The following MYO3B variants were observed in gnomAD, a reference collection of about 807,000 sequenced individuals.
MYO3B encodes myosin IIIB, also known as myosin-IIIb.
MYO3B carries 156 observed loss-of-function variants against 174.6 expected under a neutral mutation model. The observed-to-expected ratio is 0.89, with a 90% CI of 0.78 to 1.02. The LOEUF is 1.02. Ranked by LOEUF, MYO3B falls within the 50% of genes least tolerant of loss-of-function variation. The pLI, the probability that MYO3B is intolerant of heterozygous loss-of-function variation, is 0.00. For synonymous variants in MYO3B, 563 were observed against 569.1 expected, an observed-to-expected ratio of 0.99 and a Z score of 0.15; for missense variants, 1,632 against 1,639.4, an observed-to-expected ratio of 1.00 and a Z score of 0.08.
At chr2:170,453,729 A>C (rs1289304492) in intron 23 of MYO3B, among the ~76,000 whole-genome samples, 2 of 152,230 alleles carry the variant, frequency 1.3e-5, no homozygotes, top group East Asian at 3.8e-4. Flanking sequence ...AGTCTGCATG[A>C]GGAACTGAAT....
intron 9 of MYO3B, among the ~76,000 whole-genome samples, chr2:170,378,642 TC>T (rs1417665593): frequency 1.3e-5 from 2 of 152,342 alleles, no homozygotes; most frequent in East Asian, 3.9e-4. Context: ...ACAATCTCCT[TC>T]AGGCTCAGAA....
chr2:170,522,038 T>A (rs565126711), intron 30 of MYO3B, among the ~76,000 whole-genome samples: 1 of 152,234 alleles, frequency 6.6e-6, no homozygotes, highest in Admixed American at 6.5e-5. Flanking sequence ...TCAGAGGTAT[T>A]CTCAGTCTTT....
chr2:170,501,519 T>G lies in MYO3B; in HGVS notation c.3290-266T>G, dbSNP rs561237470. Among the ~76,000 whole-genome samples, 3 of 152,250 alleles carry G rather than the reference T, an allele frequency of 2.0e-5. No homozygotes were observed. In the East Asian group the frequency reaches 5.8e-4, roughly 29 times the overall value. On this transcript the variant is annotated intron_variant, in intron 27 of 34. Transcript: ENST00000408978. ...CATCTCACCTGGAGTAGGGGTCCCA[T>G]GTGATTCATCAGTGGAACCCAGAGT...
At chr2:170,214,007 T>C (rs1331962229) in intron 3 of MYO3B, among the ~76,000 whole-genome samples, 1 of 152,220 alleles carries the variant, frequency 6.6e-6, no homozygotes, top group Non-Finnish European at 1.5e-5. Flanking sequence ...ACAATATTCA[T>C]ATAAAGTGAA....
chr2:170,442,746 T>C (rs925017935), intron 22 of MYO3B, among the ~76,000 whole-genome samples: 2 of 152,178 alleles, frequency 1.3e-5, no homozygotes, highest in African/African-American at 4.8e-5. Flanking sequence ...AGTGAGAACA[T>C]GCAGTATTTG....
intron 7 of MYO3B, 123 bp from the exon 8 acceptor site, chr2:170,335,262 T>A: frequency 1.4e-6 from 1 of 735,864 alleles, no homozygotes; most frequent in Admixed American, 2.7e-5. Context: ...AAAAAATGAC[T>A]CTCATATGAG....
intron 5 of MYO3B, among the ~76,000 whole-genome samples, chr2:170,216,512 G>A (rs866750388): frequency 2.2e-4 from 34 of 152,286 alleles, no homozygotes; most frequent in Middle Eastern, 6.8e-3. Flanking sequence ...TAATCCTGTG[G>A]ACCTTTACGC....
In MYO3B at chr2:170,404,414, G is replaced by C; in HGVS notation, c.2431+14G>C. The C allele has an allele frequency of 6.2e-7, 1 of 1,601,676 alleles. No homozygotes were observed. The highest frequency in any genetic ancestry group is 8.5e-7 in the Non-Finnish European group (1 of 1,175,638). ...AGACCCTGGTTGGTAGGTAACTTCT[G>C]AGAAACAGGCATATACATTTAGAAC... On this transcript the variant is annotated intron_variant, in intron 20 of 34. Transcript: ENST00000408978.
chr2:170,451,043 C>A (rs916929250), intron 23 of MYO3B, among the ~76,000 whole-genome samples: 25 of 152,196 alleles, frequency 1.6e-4, no homozygotes, highest in African/African-American at 5.8e-4. Context: ...TTAAGACATT[C>A]TTTAAAACCC....
chr2:170,350,387 G>A (rs2094055948), intron 8 of MYO3B: 1 of 152,132 alleles, frequency 6.6e-6, no homozygotes, highest in Non-Finnish European at 1.5e-5. Flanking sequence ...AATCCTTCAT[G>A]GCAATCTCAG....
chr2:170,394,929 A>T (rs2094435373), intron 16 of MYO3B, among the ~76,000 whole-genome samples: 1 of 152,216 alleles, frequency 6.6e-6, no homozygotes, highest in African/African-American at 2.4e-5. Context: ...TCTGGCAGAC[A>T]TTTCTAGATA....
intron 22 of MYO3B, chr2:170,411,648 A>G (rs1371164610): frequency 6.6e-6 from 1 of 152,226 alleles, no homozygotes; most frequent in Non-Finnish European, 1.5e-5. Flanking sequence ...TATATGTGCA[A>G]TCATAATATA....
intron 32 of MYO3B, among the ~76,000 whole-genome samples, chr2:170,620,487 G>A (rs1321702593): frequency 1.3e-5 from 2 of 152,156 alleles, no homozygotes; most frequent in African/African-American, 2.4e-5. Context: ...ACTGCAAAGG[G>A]TCTGAGATTT....
chr2:170,363,611 C>T (rs2094177531), intron 8 of MYO3B, among the ~76,000 whole-genome samples: 1 of 152,130 alleles, frequency 6.6e-6, no homozygotes, highest in Non-Finnish European at 1.5e-5. Context: ...GCTGCAACAA[C>T]CTGTGTTTAA....
intron 23 of MYO3B, among the ~76,000 whole-genome samples, chr2:170,454,683 T>G (rs1683807679): frequency 6.6e-6 from 1 of 152,172 alleles, no homozygotes; most frequent in African/African-American, 2.4e-5. Context: ...CCCCCAAATT[T>G]GTAACCACCT....
chr2:170,349,304 A>G (rs1329104833), intron 8 of MYO3B, among the ~76,000 whole-genome samples: 1 of 152,122 alleles, frequency 6.6e-6, no homozygotes, highest in African/African-American at 2.4e-5. Context: ...GAGAGGGAGC[A>G]TGTCAAGCCA....
intron 7 of MYO3B, among the ~76,000 whole-genome samples, chr2:170,329,286 T>C (rs2093894054): frequency 6.6e-6 from 1 of 151,742 alleles, no homozygotes; most frequent in South Asian, 2.1e-4. Flanking sequence ...TTATAGCAGA[T>C]GCTACAAATT....
intron 30 of MYO3B, among the ~76,000 whole-genome samples, chr2:170,531,740 A>G (rs542980250): frequency 6.6e-6 from 1 of 152,344 alleles, no homozygotes; most frequent in South Asian, 2.1e-4. Context: ...ACAAAAGAGT[A>G]TAATCCATTG....
chr2:170,583,334 G>A (rs997723968), intron 32 of MYO3B, among the ~76,000 whole-genome samples: 1 of 152,180 alleles, frequency 6.6e-6, no homozygotes, highest in South Asian at 2.1e-4. Flanking sequence ...GTCCTTTCTC[G>A]CTGAGCCTTG....
Sources: allele counts gnomAD v4.1 joint callset (sites outside exome capture counted in the v4.1 genomes callset), GRCh38; gene constraint gnomAD v4.1.1; transcripts MANE v1.5; gene names NCBI Gene and HGNC (gene_info 2026-07-23, HGNC 2026-07-21).